PRKCQ: variants seen among roughly 807,000 people sequenced by gnomAD.
PRKCQ encodes the protein protein kinase C theta type.
In PRKCQ, 41 loss-of-function variants were observed where a neutral mutation model predicts 91.2. That is an observed-to-expected ratio of 0.45 (90% confidence interval 0.35 to 0.58). The LOEUF (loss-of-function observed/expected upper bound fraction) is 0.58. PRKCQ is among the 20% of genes least tolerant of loss of function. The pLI, the probability that PRKCQ is intolerant of heterozygous loss-of-function variation, is 0.00. For missense variants in PRKCQ, 673 were observed against 896.5 expected (o/e 0.75, Z 3.18); for synonymous variants, 307 against 316.9 (o/e 0.97, Z 0.33).
At position 6,462,346 on chromosome 10, in the gene PRKCQ, T is replaced by G; in HGVS notation, c.1465A>C (p.Ile489Leu). The G allele has an allele frequency of 2.5e-6, 4 of 1,614,024 alleles. No homozygotes were observed. The highest frequency in any genetic ancestry group is 3.4e-6 in the Non-Finnish European group (4 of 1,179,942). The change falls in exon 14 of 18, where the codon ATT becomes CTT. Residue 489 changes from isoleucine to leucine, a missense_variant. Transcript: ENST00000263125. ...GAATGAAGGAACTGCAGACCAAGAA[T>G]GATTTCAGCAGCATAAAACCTGGGG... ...SRATFYAAEIILGLQFLHSKG... is the reference protein window; with the variant it reads ...SRATFYAAEILLGLQFLHSKG...
chr10:6,409,497 G>C, the PRKCQ span, among the ~76,000 whole-genome samples: 14 of 152,192 alleles, frequency 9.2e-5, no homozygotes, highest in East Asian at 2.5e-3. Flanking sequence ...GTTTCACCAA[G>C]TTGGCCAGGC....
chr10:6,400,276 T>G, the PRKCQ span, among the ~76,000 whole-genome samples: 1 of 152,244 alleles, frequency 6.6e-6, no homozygotes, highest in Non-Finnish European at 1.5e-5. Flanking sequence ...ATGTTTGTGA[T>G]TTACTGTCTG....
intron 1 of PRKCQ, among the ~76,000 whole-genome samples, chr10:6,572,316 T>C (rs2007244): frequency 0.47 from 71,939 of 151,826 alleles, 20,774 homozygotes; most frequent in Non-Finnish European, 0.62. Flanking sequence ...TTGCTGCACC[T>C]ATCATCCCAT....
intron 1 of PRKCQ, among the ~76,000 whole-genome samples, chr10:6,549,750 C>T (rs1296819271): frequency 6.6e-6 from 1 of 151,328 alleles, no homozygotes; most frequent in African/African-American, 2.4e-5. Context: ...CCCGCCTCAG[C>T]CTCCCGAGTA....
At chr10:6,471,687 T>G (rs1397134997) in intron 12 of PRKCQ, among the ~76,000 whole-genome samples, 1 of 151,700 alleles carries the variant, frequency 6.6e-6, no homozygotes, top group East Asian at 1.9e-4. Context: ...GAGATGGAGG[T>G]TGCAGTGAGC....
chr10:6,504,987 G>C (rs564336093), intron 4 of PRKCQ, among the ~76,000 whole-genome samples: 2 of 151,054 alleles, frequency 1.3e-5, no homozygotes, highest in African/African-American at 4.9e-5. Context: ...TCCGCCTCCC[G>C]GGTTCATGCC....
intron 1 of PRKCQ, among the ~76,000 whole-genome samples, chr10:6,550,681 G>T (rs1347797717): frequency 2.0e-5 from 3 of 152,326 alleles, no homozygotes; most frequent in African/African-American, 7.2e-5. Context: ...ATCGATGTGG[G>T]TGTGTAAATA....
At chr10:6,510,965 C>G in intron 3 of PRKCQ, 30 bp downstream of exon 3, 3 of 1,612,760 alleles carry the variant, frequency 1.9e-6, no homozygotes, top group Non-Finnish European at 2.5e-6. Flanking sequence ...ATGCTTATCC[C>G]TTATGTGCAT....
downstream of PRKCQ, among the ~76,000 whole-genome samples, chr10:6,423,661 C>T (rs114557661): frequency 6.1e-3 from 930 of 152,292 alleles, 9 homozygotes; most frequent in African/African-American, 0.022. Context: ...ACCCACACTG[C>T]GGTGGCAGGA....
At chr10:6,441,573 A>T (rs1302931232) in intron 16 of PRKCQ, among the ~76,000 whole-genome samples, 1 of 151,992 alleles carries the variant, frequency 6.6e-6, no homozygotes, top group Non-Finnish European at 1.5e-5. Flanking sequence ...TAGCTAGAAG[A>T]TTGATTTTTA....
intron 10 of PRKCQ, 81 bp downstream of exon 10, chr10:6,485,071 A>G: frequency 8.0e-7 from 1 of 1,251,512 alleles, no homozygotes; most frequent in Non-Finnish European, 1.2e-6. Flanking sequence ...GTAAGCTGAT[A>G]ACTTAAATCC....
intron 12 of PRKCQ, among the ~76,000 whole-genome samples, chr10:6,475,956 G>GT (rs989006574): frequency 4.6e-5 from 7 of 151,624 alleles, no homozygotes; most frequent in South Asian, 4.2e-4. Flanking sequence ...CTCTGCTGAA[G>GT]TTTTTTTTTC....
chr10:6,436,686 T>C (rs1006234390), intron 16 of PRKCQ, among the ~76,000 whole-genome samples: 1 of 152,228 alleles, frequency 6.6e-6, no homozygotes, highest in African/African-American at 2.4e-5. Context: ...TCTTTTGAGA[T>C]TGGCTTTTTG....
intron 1 of PRKCQ, among the ~76,000 whole-genome samples, chr10:6,573,159 AC>A (rs1398683500): frequency 6.6e-6 from 1 of 152,042 alleles, no homozygotes; most frequent in Non-Finnish European, 1.5e-5. Flanking sequence ...GCTTGTTATC[AC>A]CCCCAAAATT....
intron 15 of PRKCQ, among the ~76,000 whole-genome samples, chr10:6,450,542 G>A (rs962429194): frequency 6.6e-6 from 1 of 152,176 alleles, no homozygotes; most frequent in Non-Finnish European, 1.5e-5. Context: ...AGTTAACAAG[G>A]ATACCCAGGA....
At chr10:6,542,340 C>T (rs1358076626) in intron 1 of PRKCQ, among the ~76,000 whole-genome samples, 1 of 152,252 alleles carries the variant, frequency 6.6e-6, no homozygotes, top group African/African-American at 2.4e-5. Flanking sequence ...GAAGCCTGCT[C>T]TCTTGGAGAA....
At chr10:6,564,410 G>A (rs944163772) in intron 1 of PRKCQ, among the ~76,000 whole-genome samples, 18 of 152,102 alleles carry the variant, frequency 1.2e-4, no homozygotes, top group African/African-American at 4.3e-4. Flanking sequence ...GTCCTTCTGC[G>A]ATGCCACTGT....
chr10:6,423,007 C>T (rs545659978), downstream of PRKCQ, among the ~76,000 whole-genome samples: 7 of 152,270 alleles, frequency 4.6e-5, no homozygotes, highest in East Asian at 9.7e-4. Context: ...TATCTCTGGG[C>T]TCTGGGAGTT....
chr10:6,498,279 TGAGGTA>T, intron 5 of PRKCQ, 111 bp downstream of exon 5: 2 of 1,327,064 alleles, frequency 1.5e-6, no homozygotes, highest in South Asian at 2.7e-5. Context: ...CTGACAACGC[TGAGGTA>T]GCATTTACTC....
Sources: gnomAD v4.1 joint callset for allele counts (sites outside exome capture counted in the v4.1 genomes callset) on GRCh38, gnomAD v4.1.1 for gene constraint, MANE v1.5 for transcripts, NCBI Gene and HGNC (gene_info 2026-07-23, HGNC 2026-07-21) for gene names.